Variants in CNTNAP5 observed in about 807,000 individuals in gnomAD.
The protein encoded by CNTNAP5 is contactin associated protein family member 5.
Under a neutral mutation model 150.2 loss-of-function variants are expected in CNTNAP5, and 72 were observed. That is an observed-to-expected ratio of 0.48 (90% CI 0.40 to 0.58). CNTNAP5 has a LOEUF of 0.58. Ranked by LOEUF, CNTNAP5 falls within the 20% of genes least tolerant of loss-of-function variation. The probability of loss-of-function intolerance (pLI) is 0.00; values close to 1 mark genes in which losing one functional copy is unlikely to be tolerated. For synonymous variants in CNTNAP5, 672 were observed against 619.8 expected (o/e 1.08, Z -1.25); for missense variants, 1,636 against 1,626.2 (o/e 1.01, Z -0.10).
At position 124,916,076 on chromosome 2, in the gene CNTNAP5, CT is replaced by C. The variant is rs1411653204; in HGVS notation, c.*1792del. On this transcript the variant is annotated 3_prime_UTR_variant, in exon 24 of 24. Transcript: ENST00000682447. ...TTGCTTCATTCCATTTCAAACACAG[CT>C]TTTCTTTCAGTTTCAGAGCTTATGA... Among the ~76,000 whole-genome samples, 10 of 152,044 alleles carry C rather than the reference CT, an allele frequency of 6.6e-5. No homozygotes were observed. Among genetic ancestry groups the C allele is most frequent in the African/African-American group, 2.4e-4 (10 of 41,432 alleles).
intron 12 of CNTNAP5, among the ~76,000 whole-genome samples, chr2:124,620,275 A>G (rs1158691174): frequency 6.6e-6 from 1 of 152,034 alleles, no homozygotes. Flanking sequence ...TCCATAATCT[A>G]TCTTTGACTC....
intron 21 of CNTNAP5, among the ~76,000 whole-genome samples, chr2:124,874,297 TA>T: frequency 6.6e-6 from 1 of 152,204 alleles, no homozygotes; most frequent in African/African-American, 2.4e-5. Flanking sequence ...AGCACATATT[TA>T]GGGAAGTAAT....
intron 11 of CNTNAP5, among the ~76,000 whole-genome samples, chr2:124,565,145 G>T (rs1695987554): frequency 6.6e-6 from 1 of 152,202 alleles, no homozygotes; most frequent in African/African-American, 2.4e-5. Flanking sequence ...AGGATTCACT[G>T]ATGATGTCCA....
At chr2:124,446,022 C>T (rs1488637396) in intron 5 of CNTNAP5, among the ~76,000 whole-genome samples, 1 of 151,998 alleles carries the variant, frequency 6.6e-6, no homozygotes, top group Non-Finnish European at 1.5e-5. Context: ...CTCATGTCTT[C>T]TCAAAGGGGT....
chr2:124,709,991 T>A (rs1199592800), intron 13 of CNTNAP5, among the ~76,000 whole-genome samples: 1 of 151,050 alleles, frequency 6.6e-6, no homozygotes, highest in East Asian at 2.0e-4. Flanking sequence ...GTAATTACTT[T>A]AAAAAATTTC....
At chr2:124,324,191 T>A (rs983569607) in intron 3 of CNTNAP5, among the ~76,000 whole-genome samples, 1 of 152,132 alleles carries the variant, frequency 6.6e-6, no homozygotes, top group Non-Finnish European at 1.5e-5. Flanking sequence ...AACCACTGAA[T>A]TGGTAAAAAG....
At chr2:124,624,297 G>A (rs1379630751) in intron 12 of CNTNAP5, among the ~76,000 whole-genome samples, 8 of 152,152 alleles carry the variant, frequency 5.3e-5, no homozygotes, top group South Asian at 2.1e-4. Flanking sequence ...GTTTTAGCAC[G>A]GCCAGTTGAC....
intron 1 of CNTNAP5, among the ~76,000 whole-genome samples, chr2:124,156,135 A>G (rs79758615): frequency 0.015 from 2,343 of 152,346 alleles, 60 homozygotes; most frequent in African/African-American, 0.054. Flanking sequence ...TTGATTTCGT[A>G]AAAGGGTTAA....
Position 124,025,506 on chromosome 2 carries a change from C to T in CNTNAP5, c.-145C>T. On this transcript the variant is annotated 5_prime_UTR_variant, in exon 1 of 24. The change creates a new upstream start codon in the 5' untranslated region. Coordinates refer to ENST00000682447, the MANE Select transcript of CNTNAP5 (RefSeq NM_001367498.1). ...ACGGTTTCGGTGGAGCGTCTGGGCA[C>T]GGGATGGAGTGAAAGAGCGAGTGCC... The T allele has an allele frequency of 4.5e-6, 3 of 664,380 alleles. No individual in the cohort carries two copies. The South Asian group carries it at 5.2e-5, about 11-fold the overall frequency. The allele number at this position is 664,380 out of a possible 1,614,324, so 41.2% of individuals were successfully genotyped here.
At chr2:124,627,435 G>T (rs897880497) in intron 12 of CNTNAP5, among the ~76,000 whole-genome samples, 7 of 151,840 alleles carry the variant, frequency 4.6e-5, no homozygotes, top group Non-Finnish European at 7.4e-5. Flanking sequence ...GGAGAAAAGG[G>T]TCTGGAGTGG....
At chr2:124,067,450 T>A (rs963224587) in intron 1 of CNTNAP5, among the ~76,000 whole-genome samples, 8 of 152,254 alleles carry the variant, frequency 5.3e-5, no homozygotes, top group Non-Finnish European at 1.0e-4. Flanking sequence ...TGCCACCTCC[T>A]CTTCTGTTTA....
chr2:124,764,553 T>C (rs1304514956), intron 16 of CNTNAP5, among the ~76,000 whole-genome samples: 1 of 152,194 alleles, frequency 6.6e-6, no homozygotes, highest in Non-Finnish European at 1.5e-5. Flanking sequence ...AGTAATTTCC[T>C]GACTTATTTC....
At chr2:124,196,010 T>C (rs1224774889) in intron 1 of CNTNAP5, among the ~76,000 whole-genome samples, 2 of 152,178 alleles carry the variant, frequency 1.3e-5, no homozygotes, top group African/African-American at 2.4e-5. Flanking sequence ...ACAGTACTTT[T>C]TGGACTCATT....
intron 1 of CNTNAP5, among the ~76,000 whole-genome samples, chr2:124,215,731 A>AG (rs1333178178): frequency 1.5e-4 from 22 of 147,502 alleles, no homozygotes; most frequent in African/African-American, 5.2e-4. Flanking sequence ...AAAAAAAAAA[A>AG]AAGAAGAGAA....
At position 124,710,451 on chromosome 2, in the gene CNTNAP5, T is replaced by C. The variant is rs1259359343; in HGVS notation, c.2078-36778T>C. On this transcript the variant is annotated intron_variant, in intron 13 of 23. Transcript: ENST00000682447. ...ATAGAAAACCAATAGATTTTCTCTA[T>C]ATAAATTTGGATCCTAGAGCCTAGA... 3.9e-5 allele frequency among the ~76,000 whole-genome samples: 6 copies of C among 152,138 alleles called. No homozygotes were observed. In the East Asian group the frequency reaches 9.7e-4, roughly 25 times the overall value.
At chr2:124,828,209 CGTT>C (rs1682638760) in intron 19 of CNTNAP5, among the ~76,000 whole-genome samples, 1 of 152,132 alleles carries the variant, frequency 6.6e-6, no homozygotes, top group Non-Finnish European at 1.5e-5. Flanking sequence ...TGGCCAGACG[CGTT>C]GGCTCACACC....
rs547882481 is a variant in CNTNAP5, at chr2:124,357,104, C to G, written c.382-60339C>G. Among the ~76,000 whole-genome samples the G allele has an allele frequency of 4.0e-3, 616 of 152,214 alleles. 6 individuals carry two copies. Among genetic ancestry groups the G allele is most frequent in the Middle Eastern group, 3.4e-3 (1 of 294 alleles). ...GTGCTTTTGGCTGCATAAATGTCTT[C>G]TTTTGAGAAGTGTCTGTTCATGTCC... On this transcript the variant is annotated intron_variant, in intron 3 of 23. Coordinates refer to ENST00000682447, the MANE Select transcript of CNTNAP5 (RefSeq NM_001367498.1).
intron 1 of CNTNAP5, among the ~76,000 whole-genome samples, chr2:124,042,346 A>G (rs1420666363): frequency 1.3e-5 from 2 of 152,154 alleles, no homozygotes; most frequent in Admixed American, 6.5e-5. Flanking sequence ...ACTATTTTCT[A>G]TTGTGAATAA....
chr2:124,189,627 G>A (rs555420439), intron 1 of CNTNAP5, among the ~76,000 whole-genome samples: 12 of 152,292 alleles, frequency 7.9e-5, no homozygotes, highest in African/African-American at 2.9e-4. Context: ...TTTTACCAAT[G>A]TCACTAACTC....
Sources: gnomAD v4.1 joint callset for allele counts (sites outside exome capture counted in the v4.1 genomes callset) on GRCh38, gnomAD v4.1.1 for gene constraint, MANE v1.5 for transcripts, NCBI Gene and HGNC (gene_info 2026-07-23, HGNC 2026-07-21) for gene names.